KIR2DL3: variants seen among roughly 807,000 people sequenced by gnomAD.
KIR2DL3 encodes the protein killer cell immunoglobulin-like receptor 2DL3.
Under a neutral mutation model 33.8 loss-of-function variants are expected in KIR2DL3, and 39 were observed. The observed-to-expected ratio is 1.15, with a 90% CI of 0.89 to 1.51. KIR2DL3 has a LOEUF of 1.51. Among genes scored for constraint, KIR2DL3 ranks in the 40% most tolerant of loss-of-function variants. KIR2DL3 has a pLI of 0.00. For missense variants in KIR2DL3, 462 were observed against 426.2 expected (o/e 1.08, Z -0.74); for synonymous variants, 174 against 160.2 (o/e 1.09, Z -0.65).
chr19:54,741,691 C>T (rs2071149066), intron 2 of KIR2DL3, among the ~76,000 whole-genome samples: 5 of 151,678 alleles, frequency 3.3e-5, no homozygotes, highest in Non-Finnish European at 4.4e-5. Context: ...TTCACCCCCA[C>T]ATAAACAGCA....
In KIR2DL3 at chr19:54,740,871, A is replaced by T. The variant is rs543329007; in HGVS notation, c.71-1109A>T. Among the ~76,000 whole-genome samples the T allele has an allele frequency of 3.3e-3, 496 of 152,008 alleles. 5 individuals are homozygous for T. The highest frequency in any genetic ancestry group is 0.011 in the African/African-American group (476 of 41,436). Reference sequence around the variant, plus strand: ...GGGTGCACATGAAAGGAGGAGGAAGAGGGGAGTGGGGATTAGAGCAGTCCA... The same window carrying T: ...GGGTGCACATGAAAGGAGGAGGAAGTGGGGAGTGGGGATTAGAGCAGTCCA... On this transcript the variant is annotated intron_variant, in intron 2 of 7. Transcript: ENST00000342376.
rs146860594 is a variant in KIR2DL3 at position 54,751,732 on chromosome 19, C to A, written c.799C>A (p.Arg267Ser). The A allele has an allele frequency of 1.4e-6, 2 of 1,470,034 alleles. No individual in the cohort carries two copies. The highest frequency in any genetic ancestry group is 1.9e-6 in the Non-Finnish European group (2 of 1,080,736). 91.1% of individuals were successfully genotyped at this position (1,470,034 alleles called of 1,614,324 possible). ...FILLLFFLLH[R>S]WCCNKKNAVV... ...CCTCCTCCTCTTCTTTCTCCTTCAT[C>A]GCTGGTGCTGCAACAAAAAAAGTAA... Residue 267 changes from arginine (R) to serine (S), a missense_variant, in exon 6 of 8, where the codon CGC becomes AGC. Arg to Ser is a moderately radical substitution (Grantham distance 110). Coordinates refer to ENST00000342376, the MANE Select transcript of KIR2DL3 (RefSeq NM_015868.3).
At chr19:54,748,736 C>G (rs1481077229) in intron 5 of KIR2DL3, among the ~76,000 whole-genome samples, 1 of 142,900 alleles carries the variant, frequency 7.0e-6, no homozygotes, top group Non-Finnish European at 1.5e-5. Flanking sequence ...ATTCTCCTGC[C>G]TCCGCCTCTC....
chr19:54,744,050 G>C lies in KIR2DL3; in HGVS notation c.626G>C (p.Trp209Ser). 4 of 1,614,202 alleles carry C rather than the reference G, an allele frequency of 2.5e-6. No individual in the cohort carries two copies. The highest frequency in any genetic ancestry group is 2.2e-5 in the East Asian group (1 of 44,882). The change falls in exon 4 of 8, where the codon TGG becomes TCG. Residue 209 changes from tryptophan (W) to serine (S), a missense_variant. By Grantham distance (177) the Trp-to-Ser change is radical. Coordinates refer to ENST00000342376, the MANE Select transcript of KIR2DL3 (RefSeq NM_015868.3). ...FGSFRDSPYEWSNSSDPLLVS... is the reference protein window; with the variant it reads ...FGSFRDSPYESSNSSDPLLVS... ...TCTTTCCGTGACTCTCCATACGAGT[G>C]GTCAAACTCGAGTGACCCACTGCTT... is the stretch of plus-strand genomic sequence containing the variant.
At chr19:54,739,358 C>A (rs540578919) in intron 1 of KIR2DL3, 149 bp from the exon 2 acceptor site, 9 of 1,345,314 alleles carry the variant, frequency 6.7e-6, no homozygotes, top group Middle Eastern at 3.6e-4. Context: ...CAGCCGACAG[C>A]CCTGTTCTTG....
intron 4 of KIR2DL3, among the ~76,000 whole-genome samples, chr19:54,746,556 A>T (rs2072518402): frequency 1.4e-5 from 2 of 146,610 alleles, no homozygotes; most frequent in Non-Finnish European, 3.0e-5. Context: ...ATCCATTTTC[A>T]TTTGAGTTTT....
chr19:54,742,243 T>C lies in KIR2DL3; in HGVS notation c.334T>C (p.Ser112Pro). 3 of 1,614,188 alleles carry C rather than the reference T, an allele frequency of 1.9e-6. No individual in the cohort carries two copies. Among genetic ancestry groups the C allele is most frequent in the Non-Finnish European group, 2.5e-6 (3 of 1,180,028 alleles). The change falls in exon 3 of 8, where the codon TCA becomes CCA. Residue 112 changes from serine (S) to proline (P), a missense_variant. Physicochemically the swap from Ser to Pro is moderately conservative, Grantham distance 74 (BLOSUM62 -1). Transcript: ENST00000342376. ...GSVTHSPYQL[S>P]APSDPLDIVI... ...TGTTACTCACTCCCCCTATCAGTTGTCAGCTCCCAGTGACCCTCTGGACAT... is the reference window on the plus strand; with the variant it reads ...TGTTACTCACTCCCCCTATCAGTTGCCAGCTCCCAGTGACCCTCTGGACAT...
chr19:54,748,914 A>C (rs1000769913), intron 5 of KIR2DL3, among the ~76,000 whole-genome samples: 10 of 150,724 alleles, frequency 6.6e-5, no homozygotes, highest in African/African-American at 2.5e-4. Context: ...GGCGTGAGCC[A>C]CTGTGCCCAG....
chr19:54,751,560 G>A (rs1490131590), intron 5 of KIR2DL3, 89 bp from the exon 6 acceptor site: 2 of 1,113,872 alleles, frequency 1.8e-6, no homozygotes, highest in Non-Finnish European at 2.6e-6. Flanking sequence ...GGTGTTGTAT[G>A]TGGTTACCTG....
chr19:54,752,168 G>T lies in KIR2DL3; in HGVS notation c.821-48G>T, dbSNP rs4020196. ...GTTGGTATCTGCTTATGAAATGAGGGCCCAGAAGTGCCCTCTGAGCTGTTT... is the reference window on the plus strand; with the variant it reads ...GTTGGTATCTGCTTATGAAATGAGGTCCCAGAAGTGCCCTCTGAGCTGTTT... On this transcript the variant is annotated intron_variant, in intron 6 of 7. Coordinates refer to ENST00000342376, the MANE Select transcript of KIR2DL3 (RefSeq NM_015868.3). 6.4e-6 allele frequency: 9 copies of T among 1,414,106 alleles called. No homozygotes were observed. In the African/African-American group the frequency reaches 1.5e-4, roughly 24 times the overall value. 87.6% of individuals were successfully genotyped at this position (1,414,106 alleles called of 1,614,324 possible).
At chr19:54,743,077 G>C (rs1246620944) in intron 3 of KIR2DL3, among the ~76,000 whole-genome samples, 1 of 151,822 alleles carries the variant, frequency 6.6e-6, no homozygotes, top group African/African-American at 2.4e-5. Flanking sequence ...ATAGAAACAT[G>C]GAGATGTGGG....
chr19:54,744,653 A>T (rs1317873613), intron 4 of KIR2DL3, among the ~76,000 whole-genome samples: 19 of 150,428 alleles, frequency 1.3e-4, no homozygotes, highest in African/African-American at 4.6e-4. Flanking sequence ...CAGCCACCTG[A>T]GTAGCTGGTG....
chr19:54,752,289 C>G lies in KIR2DL3; in HGVS notation c.873+21C>G, dbSNP rs2365232. On this transcript the variant is annotated intron_variant, in intron 7 of 7. Coordinates refer to ENST00000342376, the MANE Select transcript of KIR2DL3 (RefSeq NM_015868.3). ...GGGAGGTAGGTGCTCCTCGGCCCAG[C>G]CTCGTGGCTAGTGTTATTCCCAAAG... 18 of 1,484,836 alleles carry G rather than the reference C, an allele frequency of 1.2e-5. No homozygotes were observed. The East Asian group carries it at 2.3e-4, about 19-fold the overall frequency. 92.0% of individuals were successfully genotyped at this position (1,484,836 alleles called of 1,614,324 possible).
At position 54,744,060 on chromosome 19, in the gene KIR2DL3, G is replaced by T. The variant is rs765710627; in HGVS notation, c.636G>T (p.Ser212=). 1.2e-6 allele frequency: 2 copies of T among 1,603,696 alleles called. No individual in the cohort carries two copies. Among genetic ancestry groups the T allele is most frequent in the East Asian group, 2.2e-5 (1 of 44,760 alleles). Residue 212 remains serine (S), a synonymous_variant, in exon 4 of 8, where the codon TCG becomes TCT. Transcript: ENST00000342376. ...ACTCTCCATACGAGTGGTCAAACTC[G>T]AGTGACCCACTGCTTGTTTCTGTCA... ...FRDSPYEWSN[S]SDPLLVSVTG... is the part of the protein sequence containing the mutation.
rs761915294 is a variant in KIR2DL3 at position 54,752,230 on chromosome 19, G to T, written c.835G>T (p.Asp279Tyr). 11 of 1,473,428 alleles carry T rather than the reference G, an allele frequency of 7.5e-6. No homozygotes were observed. In the East Asian group the frequency reaches 2.3e-4, roughly 30 times the overall value. 91.3% of individuals were successfully genotyped at this position (1,473,428 alleles called of 1,614,324 possible). A position where few individuals can be genotyped will look rare whatever the true frequency, so the allele number is the denominator to read the frequency against. ...CCNKKNAVVM[D>Y]QEPAGNRTVN... ...GTCTTCTACAGATGCTGTTGTAATG[G>T]ACCAAGAGCCTGCAGGGAACAGAAC... The change falls in exon 7 of 8, where the codon GAC becomes TAC. Residue 279 changes from aspartate to tyrosine, a missense_variant. Transcript: ENST00000342376.
At chr19:54,744,944 ATATATATATATTTTT>A (rs1185152066) in intron 4 of KIR2DL3, among the ~76,000 whole-genome samples, 9 of 26,824 alleles carry the variant, frequency 3.4e-4, no homozygotes, top group African/African-American at 9.9e-4. Flanking sequence ...ATATATATAT[ATATATATATATTTTT>A]TTTTTTTTTT....
At chr19:54,744,204 T>C in intron 4 of KIR2DL3, 116 bp downstream of exon 4, 3 of 1,495,984 alleles carry the variant, frequency 2.0e-6, no homozygotes, top group African/African-American at 1.4e-5. Context: ...GAAGCTTGGG[T>C]GTGAGGGAGG....
Position 54,742,144 on chromosome 19 carries a change from G to A in KIR2DL3, c.235G>A (p.Gly79Arg), listed in dbSNP as rs1481470206. The A allele has an allele frequency of 1.2e-6, 2 of 1,614,048 alleles. No homozygotes were observed. The highest frequency in any genetic ancestry group is 1.7e-5 in the Admixed American group (1 of 60,006). ...TLHLIGEHHD[G>R]VSKANFSIGP... ...GCACCTCATTGGAGAGCACCATGAT[G>A]GGGTCTCCAAGGCCAACTTCTCCAT... The change falls in exon 3 of 8, where the codon GGG (glycine) becomes AGG (arginine). Residue 79 changes from glycine (G) to arginine (R), a missense_variant. Transcript: ENST00000342376.
chr19:54,752,058 G>C (rs1786685819), intron 6 of KIR2DL3, among the ~76,000 whole-genome samples, 158 bp from the exon 7 acceptor site: 1 of 135,682 alleles, frequency 7.4e-6, no homozygotes, highest in Non-Finnish European at 1.6e-5. Flanking sequence ...TTCATGGGAT[G>C]GGTCCTTGAG....
Sources: gnomAD v4.1 joint callset for allele counts (sites outside exome capture counted in the v4.1 genomes callset) on GRCh38, gnomAD v4.1.1 for gene constraint, MANE v1.5 for transcripts, NCBI Gene and HGNC (gene_info 2026-07-23, HGNC 2026-07-21) for gene names.